The following ASPSCR1 variants were observed in gnomAD, a reference collection of about 807,000 sequenced individuals.
The protein encoded by ASPSCR1 is tether containing UBX domain for GLUT4.
A neutral mutation model predicts 68.9 loss-of-function variants in ASPSCR1; 55 were observed. That is an observed-to-expected ratio of 0.80 (90% CI 0.64 to 1.00). The LOEUF is 1.00. Ranked by LOEUF, ASPSCR1 falls within the 50% of genes least tolerant of loss-of-function variation. ASPSCR1 has a pLI of 0.00. For missense variants in ASPSCR1, 765 were observed against 762.2 expected, an observed-to-expected ratio of 1.00 and a Z score of -0.04; for synonymous variants, 352 against 332.6, an observed-to-expected ratio of 1.06 and a Z score of -0.63.
At chr17:82,009,397 C>T in intron 8 of ASPSCR1, 89 bp from the exon 9 acceptor site, 1 of 1,416,252 alleles carries the variant, frequency 7.1e-7, no homozygotes, top group East Asian at 2.5e-5. Context: ...CCCACTCCCA[C>T]CCTGGAGGGT....
At chr17:82,012,332 G>A (rs777900951) in intron 12 of ASPSCR1, 49 bp downstream of exon 12, 1 of 1,580,484 alleles carries the variant, frequency 6.3e-7, no homozygotes, top group Admixed American at 1.7e-5. Context: ...CCTCCAGGGA[G>A]GGCAGGACGA....
chr17:81,982,921 C>T (rs866899406), intron 2 of ASPSCR1, among the ~76,000 whole-genome samples: 1 of 152,126 alleles, frequency 6.6e-6, no homozygotes, highest in Non-Finnish European at 1.5e-5. Context: ...TCAAGCGATT[C>T]TCCTGCCTCA....
At chr17:82,014,799 G>A in intron 12 of ASPSCR1, 2 of 534,240 alleles carry the variant, frequency 3.7e-6, no homozygotes, top group South Asian at 2.2e-5. Flanking sequence ...ACACTGAGTG[G>A]GGCAAGGGGT....
chr17:81,990,654 C>G lies in ASPSCR1; in HGVS notation c.375-4167C>G, dbSNP rs1298775575. On this transcript the variant is annotated intron_variant, in intron 4 of 15. Transcript: ENST00000306739. The surrounding 1 kb of genome is among the most constrained non-coding windows in gnomAD (Gnocchi z 4.1). ...TGAGATCTTTATTACGGGGAGTGTG[C>G]CTTCCGTGATAGGAGACGCATGAGA... Among the ~76,000 whole-genome samples, 1 of 152,142 alleles carries G rather than the reference C, an allele frequency of 6.6e-6. No homozygotes were observed. Among genetic ancestry groups the G allele is most frequent in the Non-Finnish European group, 1.5e-5 (1 of 68,038 alleles).
intron 4 of ASPSCR1, among the ~76,000 whole-genome samples, chr17:81,988,449 CG>C (rs2042064771): frequency 6.8e-6 from 1 of 147,170 alleles, no homozygotes; most frequent in Non-Finnish European, 1.5e-5. Flanking sequence ...AGCAGGACTC[CG>C]TCTCAAAAAA....
chr17:81,990,773 A>G lies in ASPSCR1; in HGVS notation c.375-4048A>G, dbSNP rs1051725122. Among the ~76,000 whole-genome samples, 2 of 152,176 alleles carry G rather than the reference A, an allele frequency of 1.3e-5. No homozygotes were observed. Among genetic ancestry groups the G allele is most frequent in the Admixed American group, 1.3e-4 (2 of 15,276 alleles). On this transcript the variant is annotated intron_variant, in intron 4 of 15. Coordinates refer to ENST00000306739, the MANE Select transcript of ASPSCR1 (RefSeq NM_024083.4). This position sits in a 1 kb window ranked among gnomAD's most constrained non-coding sequence, Gnocchi z 4.1. The stretch of plus-strand genomic sequence containing the variant: ...GAAAGGGAGTACCTTTCTGACCAGC[A>G]TCTTTGCTGGGGTACAGATTGTTAT...
chr17:82,012,495 C>T (rs538799604), intron 12 of ASPSCR1, among the ~76,000 whole-genome samples: 2 of 152,170 alleles, frequency 1.3e-5, no homozygotes, highest in South Asian at 2.1e-4. Context: ...TGCCTGGCCC[C>T]GGGTGGGAAA....
intron 7 of ASPSCR1, among the ~76,000 whole-genome samples, chr17:81,997,148 T>TCCGGGATGAGGCCGTGTG (rs1567973501): frequency 2.6e-4 from 8 of 30,410 alleles, no homozygotes; most frequent in South Asian, 7.6e-4. Flanking sequence ...GAGGCCGTGT[T>TCCGGGATGAGGCCGTGTG]GGCTCCATGA....
At position 81,994,684 on chromosome 17, in the gene ASPSCR1, G is replaced by C. The variant is rs2042277944; in HGVS notation, c.375-137G>C. 2 of 858,488 alleles carry C rather than the reference G, an allele frequency of 2.3e-6. 1 individual carries two copies. The highest frequency in any genetic ancestry group is 3.0e-5 in the South Asian group (2 of 65,974). 53.2% of individuals were successfully genotyped at this position (858,488 alleles called of 1,614,324 possible). A position where few individuals can be genotyped will look rare whatever the true frequency, so the allele number is the denominator to read the frequency against. ...GGGCTGAGGTCTGTGGCCTGGGCCT[G>C]GGCCTGGGACGCTGTCCTGGGTGGG... On this transcript the variant is annotated intron_variant, in intron 4 of 15. Transcript: ENST00000306739.
intron 3 of ASPSCR1, 62 bp from the exon 4 acceptor site, chr17:81,985,445 G>A: frequency 3.2e-6 from 5 of 1,541,054 alleles, no homozygotes; most frequent in Admixed American, 1.7e-5. Context: ...AATCAGTCTG[G>A]GATTTAGAAG....
At chr17:82,001,511 A>G (rs1407323863) in intron 7 of ASPSCR1, among the ~76,000 whole-genome samples, 3 of 152,144 alleles carry the variant, frequency 2.0e-5, no homozygotes, top group African/African-American at 7.2e-5. Context: ...GCGACTTTGC[A>G]GGTGGCTGGC....
intron 12 of ASPSCR1, chr17:82,015,316 C>T (rs2043086047): frequency 1.3e-6 from 2 of 1,598,056 alleles, no homozygotes; most frequent in Admixed American, 3.3e-5. Flanking sequence ...GGCGATCCCT[C>T]CCGAGTCAAG....
intron 12 of ASPSCR1, chr17:82,014,266 C>CT (rs2043046401): frequency 6.6e-6 from 1 of 152,500 alleles, no homozygotes; most frequent in African/African-American, 2.4e-5. Flanking sequence ...GTGTCGCCCA[C>CT]TGCCGGGGCC....
chr17:81,997,692 T>C (rs1046112824), intron 7 of ASPSCR1, among the ~76,000 whole-genome samples: 1 of 151,652 alleles, frequency 6.6e-6, no homozygotes, highest in African/African-American at 2.4e-5. Context: ...GGTTTTACCA[T>C]GTTGTCCAGG....
rs535663084 is a variant in ASPSCR1 at position 81,990,097 on chromosome 17, C to G, written c.374+4490C>G. The stretch of plus-strand genomic sequence containing the variant: ...GCCAATCACTCACTTTTTCTTGTAA[C>G]CGCATTAAAGAAGAAATAAAAACAG... On this transcript the variant is annotated intron_variant, in intron 4 of 15. Transcript: ENST00000306739. This position sits in a 1 kb window ranked among gnomAD's most constrained non-coding sequence, Gnocchi z 4.1. Among the ~76,000 whole-genome samples, 3 of 152,194 alleles carry G rather than the reference C, an allele frequency of 2.0e-5. No homozygotes were observed. Among genetic ancestry groups the G allele is most frequent in the Non-Finnish European group, 2.9e-5 (2 of 68,038 alleles).
At chr17:82,001,680 C>T (rs1463182388) in intron 7 of ASPSCR1, among the ~76,000 whole-genome samples, 1 of 152,154 alleles carries the variant, frequency 6.6e-6, no homozygotes, top group Non-Finnish European at 1.5e-5. Flanking sequence ...GGGCGCAGAC[C>T]CCACTGGCCC....
At chr17:81,985,224 AC>A (rs1004332435) in intron 3 of ASPSCR1, among the ~76,000 whole-genome samples, 9 of 147,792 alleles carry the variant, frequency 6.1e-5, no homozygotes, top group Non-Finnish European at 9.0e-5. Flanking sequence ...ACAACTGCAC[AC>A]CCCCGCACAC....
Position 82,009,690 on chromosome 17 carries a change from C to T in ASPSCR1, c.1170+123C>T, listed in dbSNP as rs1348947148. On this transcript the variant is annotated intron_variant, in intron 9 of 15. Coordinates refer to ENST00000306739, the MANE Select transcript of ASPSCR1 (RefSeq NM_024083.4). The stretch of plus-strand genomic sequence containing the variant: ...GCGGGCCCCCTGTGAGGTCTGTGGA[C>T]AGGACGTGGTGGCGACTGAGGCACA... The T allele has an allele frequency of 6.9e-6, 5 of 726,630 alleles. No individual in the cohort carries two copies. The Admixed American group carries it at 1.2e-4, about 17-fold the overall frequency. 45.0% of individuals were successfully genotyped at this position (726,630 alleles called of 1,614,324 possible). A position where few individuals can be genotyped will look rare whatever the true frequency, so the allele number is the denominator to read the frequency against.
intron 12 of ASPSCR1, chr17:82,015,098 T>C (rs1289211019): frequency 1.3e-6 from 2 of 1,597,930 alleles, no homozygotes; most frequent in Non-Finnish European, 1.7e-6. Flanking sequence ...ACCGGGTGGC[T>C]CCATTCACCC....
Sources: allele counts gnomAD v4.1 joint callset (sites outside exome capture counted in the v4.1 genomes callset), GRCh38; gene constraint gnomAD v4.1.1; non-coding constraint Gnocchi (gnomAD v3.1); transcripts MANE v1.5; gene names NCBI Gene and HGNC (gene_info 2026-07-23, HGNC 2026-07-21).